The following MCM9 variants were observed in gnomAD, a reference collection of about 807,000 sequenced individuals.
The protein encoded by MCM9 is DNA helicase MCM9.
MCM9 carries 55 observed loss-of-function variants against 72.8 expected under a neutral mutation model. The ratio of observed to expected loss-of-function variants is 0.76; its 90% CI spans 0.61 to 0.95. MCM9 has a LOEUF of 0.95. MCM9 is among the 40% of genes least tolerant of loss of function. MCM9 has a pLI of 0.00. For synonymous variants in MCM9, 480 were observed against 503.4 expected, an observed-to-expected ratio of 0.95 and a Z score of 0.62; for missense variants, 1,279 against 1,377.0, an observed-to-expected ratio of 0.93 and a Z score of 1.13.
At chr6:118,873,245 A>C (rs1777731179) in intron 8 of MCM9, among the ~76,000 whole-genome samples, 1 of 135,490 alleles carries the variant, frequency 7.4e-6, no homozygotes, top group South Asian at 2.9e-4. Context: ...GGGAAAGGGA[A>C]GGGGAAAGGG....
At chr6:118,824,490 G>A (rs1482217244) in intron 13 of MCM9, among the ~76,000 whole-genome samples, 3 of 152,038 alleles carry the variant, frequency 2.0e-5, no homozygotes, top group African/African-American at 7.2e-5. Context: ...TGTATTTTTA[G>A]TAGAGACAGT....
intron 3 of MCM9, among the ~76,000 whole-genome samples, chr6:118,928,381 G>A (rs1015524305): frequency 6.6e-6 from 1 of 151,954 alleles, no homozygotes; most frequent in Admixed American, 6.6e-5. Flanking sequence ...TGTGCACTCC[G>A]GCTTGGGAAA....
chr6:118,868,583 AC>A (rs1420034637), intron 8 of MCM9, among the ~76,000 whole-genome samples: 2 of 152,102 alleles, frequency 1.3e-5, no homozygotes, highest in Admixed American at 6.5e-5. Flanking sequence ...AGAAAAAAAA[AC>A]CCCATCAAAA....
At position 118,867,879 on chromosome 6, in the gene MCM9, C is replaced by CTTTTTTT. The variant is rs1554258631; in HGVS notation, c.1151-11335_1151-11334insAAAAAAA. 1.3e-4 allele frequency among the ~76,000 whole-genome samples: 18 copies of CTTTTTTT among 137,484 alleles called. 4 individuals are homozygous for CTTTTTTT. Among genetic ancestry groups the CTTTTTTT allele is most frequent in the Non-Finnish European group, 9.3e-5 (6 of 64,494 alleles). The allele number at this position is 137,484 out of a possible 152,430, so 90.2% of individuals were successfully genotyped here. A position where few individuals can be genotyped will look rare whatever the true frequency, so the allele number is the denominator to read the frequency against. On this transcript the variant is annotated intron_variant, in intron 8 of 13. Transcript: ENST00000619706. The stretch of plus-strand genomic sequence containing the variant: ...TTAATTATATTTCTTTTTTCTTTTT[C>CTTTTTTT]TTTTTCTTTTTTTTTGAGATGAAGT...
At chr6:118,853,187 C>T (rs1562411118) in intron 9 of MCM9, among the ~76,000 whole-genome samples, 1 of 152,074 alleles carries the variant, frequency 6.6e-6, no homozygotes, top group Non-Finnish European at 1.5e-5. Flanking sequence ...AAAAACTATC[C>T]TTTCTCTGTT....
chr6:118,821,183 A>G (rs757820722), intron 13 of MCM9, among the ~76,000 whole-genome samples: 2 of 152,098 alleles, frequency 1.3e-5, no homozygotes, highest in African/African-American at 2.4e-5. Flanking sequence ...TATCTGGTCA[A>G]TTTGCACATT....
At chr6:118,932,306 A>G (rs2114468501) in intron 2 of MCM9, among the ~76,000 whole-genome samples, 1 of 152,346 alleles carries the variant, frequency 6.6e-6, no homozygotes, top group South Asian at 2.1e-4. Flanking sequence ...TGTTCACACA[A>G]GGACAAAATC....
intron 8 of MCM9, among the ~76,000 whole-genome samples, chr6:118,879,356 G>C (rs1778141688): frequency 6.6e-6 from 1 of 151,952 alleles, no homozygotes; most frequent in Non-Finnish European, 1.5e-5. Flanking sequence ...AAGATATTTT[G>C]TTCAAACAAT....
Position 118,814,886 on chromosome 6 carries a change from G to C in MCM9, c.3370C>G (p.Pro1124Ala). The C allele has an allele frequency of 6.5e-7, 1 of 1,545,676 alleles. No individual in the cohort carries two copies. The highest frequency in any genetic ancestry group is 8.7e-7 in the Non-Finnish European group (1 of 1,145,134). Reference sequence around the variant, plus strand: ...TCAAATGCTTCATCACCTAGTTCTGGTAAAGTGAAGAGGGATTCTTTGGAA... The same window carrying C: ...TCAAATGCTTCATCACCTAGTTCTGCTAAAGTGAAGAGGGATTCTTTGGAA... ...IVSKESLFTL[P>A]ELGDEAFDCD... Residue 1124 changes from proline to alanine, a missense_variant, in exon 14 of 14, where the codon CCA becomes GCA. Transcript: ENST00000619706.
At chr6:118,817,659 T>C (rs1773499656) in intron 13 of MCM9, among the ~76,000 whole-genome samples, 1 of 152,216 alleles carries the variant, frequency 6.6e-6, no homozygotes, top group Non-Finnish European at 1.5e-5. Flanking sequence ...TACTCAGTAA[T>C]GGGATTGCTG....
At chr6:118,921,880 C>T in intron 5 of MCM9, 125 bp downstream of exon 5, 1 of 690,802 alleles carries the variant, frequency 1.4e-6, no homozygotes, top group Non-Finnish European at 2.5e-6. Context: ...TTTCTAATCT[C>T]AAGGTGAGCA....
intron 8 of MCM9, among the ~76,000 whole-genome samples, chr6:118,872,463 A>C (rs910781380): frequency 6.6e-6 from 1 of 152,146 alleles, no homozygotes; most frequent in Non-Finnish European, 1.5e-5. Flanking sequence ...AATGCAAATA[A>C]AAACATGACT....
intron 9 of MCM9, among the ~76,000 whole-genome samples, chr6:118,833,222 C>T (rs1031346162): frequency 6.6e-6 from 1 of 151,928 alleles, no homozygotes; most frequent in Non-Finnish European, 1.5e-5. Flanking sequence ...ATTGCAGGCA[C>T]GTGGTGAGCA....
In MCM9 at chr6:118,923,819, G is replaced by C. The variant is rs760989855; in HGVS notation, c.613C>G (p.Gln205Glu). The C allele has an allele frequency of 6.2e-6, 10 of 1,612,054 alleles. No homozygotes were observed. The highest frequency in any genetic ancestry group is 8.5e-6 in the Non-Finnish European group (10 of 1,178,488). Residue 205 changes from glutamine to glutamate, a missense_variant, in exon 4 of 14, where the codon CAG (glutamine) becomes GAG (glutamate). Gln to Glu is a conservative substitution (Grantham distance 29). Transcript: ENST00000619706. Reference sequence around the variant, plus strand: ...TTTATGTGATTATTTACCTGTTCCTGAATTTTGATTTCCTGGTAATCTCTA... The same window carrying C: ...TTTATGTGATTATTTACCTGTTCCTCAATTTTGATTTCCTGGTAATCTCTA... ...RCRDYQEIKIQEQVQRLSVGS... is the reference protein window; with the variant it reads ...RCRDYQEIKIEEQVQRLSVGS...
chr6:118,913,373 A>G lies in MCM9; in HGVS notation c.952T>C (p.Tyr318His), dbSNP rs150346956. The G allele has an allele frequency of 4.3e-6, 7 of 1,614,014 alleles. No individual in the cohort carries two copies. In the African/African-American group the frequency reaches 9.3e-5, roughly 22 times the overall value. Residue 318 changes from tyrosine (Y) to histidine (H), a missense_variant, in exon 7 of 14, where the codon TAT becomes CAT. Transcript: ENST00000619706. ...ASLCPQVFGMYLVKLAVAMVL... is the reference protein window; with the variant it reads ...ASLCPQVFGMHLVKLAVAMVL... ...ATGGCCACAGCAAGCTTTACTAGAT[A>G]CATTCCAAACACTTGAGGGCACAAG...
rs764147595 is a variant in MCM9, at chr6:118,931,629, C to G, written c.95G>C (p.Arg32Thr). 58 of 1,614,076 alleles carry G rather than the reference C, an allele frequency of 3.6e-5. No homozygotes were observed. The highest frequency in any genetic ancestry group is 3.1e-4 in the East Asian group (14 of 44,870). The change falls in exon 3 of 14, where the codon AGG (arginine) becomes ACG (threonine). Residue 32 changes from arginine to threonine, a missense_variant. Coordinates refer to ENST00000619706, the MANE Select transcript of MCM9 (RefSeq NM_017696.3). ...AACTGGGTAATGAGCATCTTCATCC[C>G]TTTCCTTCAAGATTAGAAGAATATC... ...KNDILLILKE[R>T]DEDAHYPVVV...
Position 118,913,369 on chromosome 6 carries a change from AGATACATTCCAAACACTT to A in MCM9, c.938_955del (p.Gln313_Tyr318del). The A allele has an allele frequency of 6.2e-7, 1 of 1,614,128 alleles. No homozygotes were observed. Among genetic ancestry groups the A allele is most frequent in the Non-Finnish European group, 8.5e-7 (1 of 1,179,982 alleles). ...CACCATGGCCACAGCAAGCTTTACT[AGATACATTCCAAACACTT>A]GAGGGCACAAGCTAGCCAATATTAC... On this transcript the variant is annotated inframe_deletion, in exon 7 of 14. Coordinates refer to ENST00000619706, the MANE Select transcript of MCM9 (RefSeq NM_017696.3).
intron 8 of MCM9, among the ~76,000 whole-genome samples, chr6:118,872,995 A>ACCATCT (rs1347440016): frequency 6.6e-6 from 1 of 151,626 alleles, no homozygotes; most frequent in Non-Finnish European, 1.5e-5. Flanking sequence ...AAAGTGAGAC[A>ACCATCT]CCATCTCTAC....
At chr6:118,838,578 C>A (rs1292601881) in intron 9 of MCM9, among the ~76,000 whole-genome samples, 1 of 152,190 alleles carries the variant, frequency 6.6e-6, no homozygotes, top group African/African-American at 2.4e-5. Context: ...GCACCCGCCA[C>A]CACACCTGGC....
Sources: allele counts gnomAD v4.1 joint callset (sites outside exome capture counted in the v4.1 genomes callset), GRCh38; gene constraint gnomAD v4.1.1; transcripts MANE v1.5; gene names NCBI Gene and HGNC (gene_info 2026-07-23, HGNC 2026-07-21).